TXLNB: variants seen among roughly 807,000 people sequenced by gnomAD.
The protein encoded by TXLNB is taxilin beta.
Under a neutral mutation model 57.4 loss-of-function variants are expected in TXLNB, and 37 were observed. That is an observed-to-expected ratio of 0.64 (90% CI 0.50 to 0.85). The LOEUF (loss-of-function observed/expected upper bound fraction) is 0.85, where lower values mean the gene tolerates loss of function less well. TXLNB is among the 40% of genes least tolerant of loss of function. TXLNB has a pLI of 0.00. For synonymous variants in TXLNB, 302 were observed against 309.6 expected (o/e 0.98, Z 0.26); for missense variants, 848 against 825.6 (o/e 1.03, Z -0.33).
the TXLNB span, among the ~76,000 whole-genome samples, chr6:139,300,060 A>G: frequency 6.6e-6 from 1 of 152,092 alleles, no homozygotes; most frequent in Non-Finnish European, 1.5e-5. Context: ...CCTAAGGGTC[A>G]GAAGTTCTTC....
chr6:139,165,705 A>G, the TXLNB span, among the ~76,000 whole-genome samples: 33 of 152,118 alleles, frequency 2.2e-4, no homozygotes, highest in African/African-American at 7.5e-4. Flanking sequence ...TCCCATATCC[A>G]TGAATCATGT....
the TXLNB span, among the ~76,000 whole-genome samples, chr6:139,202,092 G>A: frequency 4.6e-5 from 7 of 152,252 alleles, no homozygotes; most frequent in South Asian, 8.3e-4. Context: ...TTTCTCAGTT[G>A]TATCTAGTTA....
At chr6:139,309,945 G>A in the TXLNB span, among the ~76,000 whole-genome samples, 6 of 152,118 alleles carry the variant, frequency 3.9e-5, no homozygotes, top group African/African-American at 9.7e-5. Flanking sequence ...AATGAAATTG[G>A]ACTCTTGTCT....
chr6:139,163,196 C>T, the TXLNB span, among the ~76,000 whole-genome samples: 1 of 152,168 alleles, frequency 6.6e-6, no homozygotes, highest in Non-Finnish European at 1.5e-5. Context: ...TTGAGTGGGG[C>T]TGGCCTCTAC....
intron 8 of TXLNB, chr6:139,245,619 C>G (rs919730687): frequency 1.3e-5 from 2 of 152,176 alleles, no homozygotes; most frequent in African/African-American, 2.4e-5. Context: ...CTGTCAGCCC[C>G]TGGCTCTACA....
the TXLNB span, among the ~76,000 whole-genome samples, chr6:139,198,032 T>C: frequency 6.6e-6 from 1 of 152,076 alleles, no homozygotes; most frequent in Non-Finnish European, 1.5e-5. Context: ...AACATGAGTT[T>C]TGGAGGGGAC....
chr6:139,206,746 A>T, the TXLNB span, among the ~76,000 whole-genome samples: 12 of 152,168 alleles, frequency 7.9e-5, no homozygotes, highest in African/African-American at 2.9e-4. Context: ...TGCTGTCTTC[A>T]TGAGACTTAC....
chr6:139,312,051 C>T, the TXLNB span, among the ~76,000 whole-genome samples: 4 of 152,236 alleles, frequency 2.6e-5, no homozygotes, highest in African/African-American at 7.2e-5. Context: ...TTTCAACATA[C>T]GAATGTTGGA....
the TXLNB span, among the ~76,000 whole-genome samples, chr6:139,171,685 C>T: frequency 2.6e-5 from 4 of 152,010 alleles, no homozygotes; most frequent in East Asian, 3.9e-4. Context: ...TGGAAAGCAG[C>T]GGAGTGATCA....
chr6:139,285,964 C>T (rs1305770040), intron 2 of TXLNB, among the ~76,000 whole-genome samples: 1 of 146,130 alleles, frequency 6.8e-6, no homozygotes, highest in African/African-American at 2.5e-5. Flanking sequence ...ACCACCTAGC[C>T]TGTGTTTTCT....
intron 7 of TXLNB, among the ~76,000 whole-genome samples, chr6:139,252,777 G>T (rs1776240772): frequency 6.6e-6 from 1 of 152,180 alleles, no homozygotes; most frequent in Admixed American, 6.5e-5. Flanking sequence ...TGATCACGAG[G>T]CCAGGAGATC....
the TXLNB span, among the ~76,000 whole-genome samples, chr6:139,186,581 CAT>C: frequency 6.6e-6 from 1 of 152,266 alleles, no homozygotes; most frequent in Admixed American, 6.5e-5. Context: ...AAAAGTTAAA[CAT>C]GTGCCTAACC....
the TXLNB span, among the ~76,000 whole-genome samples, chr6:139,309,497 TCTCA>T: frequency 6.6e-6 from 1 of 152,340 alleles, no homozygotes; most frequent in South Asian, 2.1e-4. Flanking sequence ...GCCTATTTGT[TCTCA>T]CTAACATAAG....
At chr6:139,221,469 T>C in the TXLNB span, among the ~76,000 whole-genome samples, 1 of 152,168 alleles carries the variant, frequency 6.6e-6, no homozygotes, top group Non-Finnish European at 1.5e-5. Flanking sequence ...ATCATCTCCA[T>C]TTTTCTTTCT....
chr6:139,274,599 A>T (rs1466892803), intron 3 of TXLNB, among the ~76,000 whole-genome samples: 1 of 152,192 alleles, frequency 6.6e-6, no homozygotes. Context: ...ATTGGGGGTG[A>T]CTGCTTTGCT....
Position 139,241,114 on chromosome 6 carries a change from C to T in TXLNB, c.*1412G>A, listed in dbSNP as rs1582984853. The stretch of plus-strand genomic sequence containing the variant: ...CTCATCAAGCAATGTTAATGTAATA[C>T]TCATGTTGACAACCCCAAGTGTTTC... On this transcript the variant is annotated 3_prime_UTR_variant, in exon 10 of 10. Coordinates refer to ENST00000358430, the MANE Select transcript of TXLNB (RefSeq NM_153235.4). 1 of 152,150 alleles carries T rather than the reference C, an allele frequency of 6.6e-6. No homozygotes were observed. Among genetic ancestry groups the T allele is most frequent in the African/African-American group, 2.4e-5 (1 of 41,418 alleles). The allele number at this position is 152,150 out of a possible 1,614,324, so 9.4% of individuals were successfully genotyped here.
Position 139,285,629 on chromosome 6 carries a change from G to C in TXLNB, c.424+2847C>G, listed in dbSNP as rs975780661. On this transcript the variant is annotated intron_variant, in intron 2 of 9. Coordinates refer to ENST00000358430, the MANE Select transcript of TXLNB (RefSeq NM_153235.4). ...CCTAGTTGGGTGAAGTATGCTACCT[G>C]AATGTATTATTTAGGCCTTCTTGAA... 1.8e-4 allele frequency among the ~76,000 whole-genome samples: 26 copies of C among 145,222 alleles called. 7 individuals carry two copies. The highest frequency in any genetic ancestry group is 6.6e-4 in the African/African-American group (26 of 39,458).
chr6:139,165,872 T>G, the TXLNB span, among the ~76,000 whole-genome samples: 1 of 152,208 alleles, frequency 6.6e-6, no homozygotes, highest in Non-Finnish European at 1.5e-5. Context: ...CCTGTCCTGG[T>G]AGCTTTGGAA....
downstream of TXLNB, chr6:139,239,999 GAAGT>G (rs1249190643): frequency 6.6e-6 from 1 of 151,396 alleles, no homozygotes; most frequent in Non-Finnish European, 1.5e-5. The surrounding 1 kb of genome is among the most constrained non-coding windows in gnomAD (Gnocchi z 4.7). Context: ...TCGAAACATA[GAAGT>G]AATAAAAACA....
Sources: gnomAD v4.1 joint callset for allele counts (sites outside exome capture counted in the v4.1 genomes callset) on GRCh38, gnomAD v4.1.1 for gene constraint, Gnocchi (gnomAD v3.1) non-coding constraint, MANE v1.5 for transcripts, NCBI Gene and HGNC (gene_info 2026-07-23, HGNC 2026-07-21) for gene names.